GRIK1: variants seen among roughly 807,000 people sequenced by gnomAD.
GRIK1 encodes glutamate ionotropic receptor kainate type subunit 1, also known as glutamate receptor ionotropic, kainate 1.
In GRIK1, 69 loss-of-function variants were observed where a neutral mutation model predicts 105.7. That is an observed-to-expected ratio of 0.65 (90% CI 0.54 to 0.80). GRIK1 has a LOEUF of 0.80. Ranked by LOEUF, GRIK1 falls within the 30% of genes least tolerant of loss-of-function variation. The probability of loss-of-function intolerance (pLI) is 0.00; values close to 1 mark genes in which losing one functional copy is unlikely to be tolerated. For synonymous variants in GRIK1, 438 were observed against 431.3 expected, an observed-to-expected ratio of 1.02 and a Z score of -0.19; for missense variants, 1,109 against 1,167.3, an observed-to-expected ratio of 0.95 and a Z score of 0.73.
At chr21:29,691,745 GA>G (rs2063588000) in intron 2 of GRIK1, among the ~76,000 whole-genome samples, 4 of 152,062 alleles carry the variant, frequency 2.6e-5, no homozygotes, top group Admixed American at 2.6e-4. Flanking sequence ...AAAATAGTTT[GA>G]AAAATGATAT....
chr21:29,711,735 G>T (rs2064055042), intron 1 of GRIK1, among the ~76,000 whole-genome samples: 1 of 151,988 alleles, frequency 6.6e-6, no homozygotes, highest in Non-Finnish European at 1.5e-5. Flanking sequence ...ACATTTTATT[G>T]TGGGTATTTA....
intron 1 of GRIK1, among the ~76,000 whole-genome samples, chr21:29,915,045 G>A (rs909908753): frequency 6.6e-6 from 1 of 151,994 alleles, no homozygotes; most frequent in Non-Finnish European, 1.5e-5. Context: ...TATAGGTGAT[G>A]CACCCAAAAG....
intron 3 of GRIK1, among the ~76,000 whole-genome samples, chr21:29,685,749 GA>G (rs947143572): frequency 2.6e-5 from 4 of 152,068 alleles, no homozygotes; most frequent in African/African-American, 9.7e-5. Flanking sequence ...ACTTTGAACT[GA>G]AAAAGACTGG....
At chr21:29,937,539 C>T (rs1421866866) in intron 1 of GRIK1, among the ~76,000 whole-genome samples, 1 of 152,192 alleles carries the variant, frequency 6.6e-6, no homozygotes, top group Non-Finnish European at 1.5e-5. Context: ...ATACTGAGAT[C>T]TGTGAACAAA....
chr21:29,784,275 C>T (rs541226983), intron 1 of GRIK1, among the ~76,000 whole-genome samples: 1 of 152,278 alleles, frequency 6.6e-6, no homozygotes, highest in East Asian at 1.9e-4. Context: ...TAACCTTGTA[C>T]AAGCTTATTT....
At chr21:29,641,390 T>TA (rs561475431) in intron 7 of GRIK1, among the ~76,000 whole-genome samples, 2,954 of 152,286 alleles carry the variant, frequency 0.019, 97 homozygotes, top group African/African-American at 0.068. Flanking sequence ...TGCCACCATG[T>TA]AGACATGCCT....
chr21:29,592,467 G>C (rs1465785603), intron 9 of GRIK1, among the ~76,000 whole-genome samples: 1 of 152,174 alleles, frequency 6.6e-6, no homozygotes, highest in Admixed American at 6.5e-5. Context: ...GCCTCTGTGG[G>C]AACCCAGAAG....
At chr21:29,713,775 A>T (rs7283965) in intron 1 of GRIK1, among the ~76,000 whole-genome samples, 4,497 of 152,236 alleles carry the variant, frequency 0.03, 226 homozygotes, top group African/African-American at 0.1. Flanking sequence ...TCTGGAACAC[A>T]TTGACTAATT....
intron 1 of GRIK1, among the ~76,000 whole-genome samples, chr21:29,925,652 T>A (rs531529239): frequency 6.6e-6 from 1 of 152,340 alleles, no homozygotes; most frequent in African/African-American, 2.4e-5. Flanking sequence ...TCAGGAATAG[T>A]ACAGCAAACT....
At chr21:29,832,671 A>G (rs923719176) in intron 1 of GRIK1, among the ~76,000 whole-genome samples, 1 of 152,160 alleles carries the variant, frequency 6.6e-6, no homozygotes, top group African/African-American at 2.4e-5. Flanking sequence ...GAGGTTTTAC[A>G]AGACAGTAGG....
intron 1 of GRIK1, among the ~76,000 whole-genome samples, chr21:29,835,391 C>T (rs556416983): frequency 6.6e-6 from 1 of 152,282 alleles, no homozygotes; most frequent in Admixed American, 6.5e-5. Flanking sequence ...GGTTAAAGTC[C>T]TAACATAACT....
intron 1 of GRIK1, among the ~76,000 whole-genome samples, chr21:29,794,066 A>T (rs2066493849): frequency 6.6e-6 from 1 of 152,218 alleles, no homozygotes; most frequent in African/African-American, 2.4e-5. Context: ...GTGTTTTCAT[A>T]GTCCAACAAC....
At chr21:29,694,958 T>C (rs192059589) in intron 1 of GRIK1, among the ~76,000 whole-genome samples, 5 of 152,298 alleles carry the variant, frequency 3.3e-5, no homozygotes, top group Admixed American at 2.0e-4. Context: ...AACTGGTTTT[T>C]TTTCTTTCTT....
At chr21:29,927,151 C>T (rs906586042) in intron 1 of GRIK1, among the ~76,000 whole-genome samples, 6 of 151,864 alleles carry the variant, frequency 4.0e-5, no homozygotes, top group African/African-American at 9.7e-5. Flanking sequence ...CCCAGTTATT[C>T]GAAATGCAAT....
At chr21:29,547,703 A>G (rs967337667) in intron 16 of GRIK1, among the ~76,000 whole-genome samples, 1 of 152,266 alleles carries the variant, frequency 6.6e-6, no homozygotes, top group African/African-American at 2.4e-5. Context: ...ATTGATGTTA[A>G]TTGCTTCCTG....
rs547200355 is a variant in GRIK1 at position 29,646,029 on chromosome 21, A to G, written c.955-3060T>C. ...AGATTGGCCCCTTGACTGGCTCTTG[A>G]GAGATAACTTTTAACTCCTTGGAAT... On this transcript the variant is annotated intron_variant, in intron 6 of 17. Coordinates refer to ENST00000327783, the MANE Select transcript of GRIK1 (RefSeq NM_001330994.2). Among the ~76,000 whole-genome samples the G allele has an allele frequency of 2.0e-5, 3 of 152,274 alleles. No individual in the cohort carries two copies. The East Asian group carries it at 5.8e-4, about 29-fold the overall frequency.
At chr21:29,861,875 TG>T (rs2146094448) in intron 1 of GRIK1, among the ~76,000 whole-genome samples, 1 of 152,340 alleles carries the variant, frequency 6.6e-6, no homozygotes, top group Non-Finnish European at 1.5e-5. Context: ...AATATTTTGT[TG>T]GGGATTTTTG....
intron 7 of GRIK1, among the ~76,000 whole-genome samples, chr21:29,603,930 G>A (rs984291657): frequency 2.6e-5 from 4 of 152,086 alleles, no homozygotes; most frequent in Admixed American, 6.6e-5. Context: ...TTTCAGAAAG[G>A]TTTTTTCTAG....
intron 1 of GRIK1, among the ~76,000 whole-genome samples, chr21:29,804,496 T>C (rs969919270): frequency 6.6e-6 from 1 of 152,110 alleles, no homozygotes; most frequent in Non-Finnish European, 1.5e-5. Flanking sequence ...CTAAGTGCAA[T>C]CTTATTTGAA....
Sources: allele counts gnomAD v4.1 joint callset (sites outside exome capture counted in the v4.1 genomes callset), GRCh38; gene constraint gnomAD v4.1.1; transcripts MANE v1.5; gene names NCBI Gene and HGNC (gene_info 2026-07-23, HGNC 2026-07-21).